RBSN: variants seen among roughly 807,000 people sequenced by gnomAD.
RBSN encodes the protein rabenosyn-5.
RBSN carries 34 observed loss-of-function variants against 60.5 expected under a neutral mutation model. The ratio of observed to expected loss-of-function variants is 0.56; its 90% confidence interval spans 0.43 to 0.75. The LOEUF is 0.75. RBSN is among the 30% of genes least tolerant of loss of function. The probability of loss-of-function intolerance (pLI) is 0.00; values close to 1 mark genes in which losing one functional copy is unlikely to be tolerated. For missense variants in RBSN, 845 were observed against 986.8 expected (o/e 0.86, Z 1.92); for synonymous variants, 322 against 366.9 (o/e 0.88, Z 1.40).
intron 2 of RBSN, among the ~76,000 whole-genome samples, chr3:15,097,126 G>A (rs1245620111): frequency 6.6e-6 from 1 of 152,048 alleles, no homozygotes; most frequent in Non-Finnish European, 1.5e-5. Flanking sequence ...CCCCCAAACT[G>A]CTGAGATTAC....
At chr3:15,080,872 C>T in intron 9 of RBSN, 70 bp from the exon 10 acceptor site, 2 of 1,209,902 alleles carry the variant, frequency 1.7e-6, no homozygotes, top group Admixed American at 1.9e-5. Context: ...AGCTAGGCTC[C>T]ATCAATGGAG....
Position 15,082,405 on chromosome 3 carries a change from CATCA to C in RBSN, c.798_801del (p.Ile266MetfsTer10). 1 of 1,614,030 alleles carries C rather than the reference CATCA, an allele frequency of 6.2e-7. No individual in the cohort carries two copies. Among genetic ancestry groups the C allele is most frequent in the Non-Finnish European group, 8.5e-7 (1 of 1,179,908 alleles). On this transcript the variant is annotated frameshift_variant, in exon 9 of 14. Coordinates refer to ENST00000253699, the MANE Select transcript of RBSN (RefSeq NM_022340.4). LOFTEE classifies it high-confidence loss of function. The surrounding 1 kb of genome is among the most constrained non-coding windows in gnomAD (Gnocchi z 4.2). Reference sequence around the variant, plus strand: ...ACGATGTCAGGTGTGTGCTCCTTCTCATCAATCTGCTGCTCTCTCTTGAGCAGCG... The same window carrying C: ...ACGATGTCAGGTGTGTGCTCCTTCTCATCTGCTGCTCTCTCTTGAGCAGCG...
In RBSN at chr3:15,093,837, G is replaced by A. The variant is rs780360590; in HGVS notation, c.148+2136C>T. On this transcript the variant is annotated intron_variant, in intron 4 of 13. Transcript: ENST00000253699. ...CTGCCTCAGCCTTCCAAGTGGCTAG[G>A]ACTACAAATGCATGTCATCATGCCC... Among the ~76,000 whole-genome samples, 77 of 152,108 alleles carry A rather than the reference G, an allele frequency of 5.1e-4. 1 individual carries two copies. The highest frequency in any genetic ancestry group is 1.0e-3 in the Non-Finnish European group (71 of 67,994).
At chr3:15,088,716 TAAC>T (rs1447411999) in intron 5 of RBSN, among the ~76,000 whole-genome samples, 1 of 152,166 alleles carries the variant, frequency 6.6e-6, no homozygotes, top group African/African-American at 2.4e-5. Flanking sequence ...TCTCCTGCAA[TAAC>T]AAAAATGTTT....
At position 15,096,258 on chromosome 3, in the gene RBSN, A is replaced by C. The variant is rs2043654682; in HGVS notation, c.-138T>G. On this transcript the variant is annotated 5_prime_UTR_variant, in exon 4 of 14. Coordinates refer to ENST00000253699, the MANE Select transcript of RBSN (RefSeq NM_022340.4). ...TGAGGAAGTGGCTTCATGGCCCTGG[A>C]TGAGGTTTCCTCTCTGGAGTAGGAG... 6 of 942,842 alleles carry C rather than the reference A, an allele frequency of 6.4e-6. No homozygotes were observed. In the South Asian group the frequency reaches 1.6e-4, roughly 24 times the overall value. 58.4% of individuals were successfully genotyped at this position (942,842 alleles called of 1,614,324 possible).
intron 5 of RBSN, 51 bp from the exon 6 acceptor site, chr3:15,086,012 A>C: frequency 1.4e-6 from 2 of 1,429,724 alleles, no homozygotes; most frequent in South Asian, 2.3e-5. Flanking sequence ...TCTCTGAGGG[A>C]GCCTAGTCTC....
In RBSN at chr3:15,073,761, A is replaced by C; in HGVS notation, c.*21T>G. On this transcript the variant is annotated 3_prime_UTR_variant, in exon 14 of 14. Coordinates refer to ENST00000253699, the MANE Select transcript of RBSN (RefSeq NM_022340.4). ...GCTCCTGCCAGACCCCTGGGCCCAA[A>C]GGTGCCCTCTCCACTGCTGGTCAGT... The C allele has an allele frequency of 2.5e-6, 4 of 1,579,012 alleles. No individual in the cohort carries two copies. In the South Asian group the frequency reaches 4.7e-5, roughly 19 times the overall value.
chr3:15,075,499 G>C lies in RBSN; in HGVS notation c.1206+107C>G, dbSNP rs187552267. 3.7e-4 allele frequency: 317 copies of C among 863,732 alleles called. 3 individuals carry two copies. In the East Asian group the frequency reaches 4.7e-3, roughly 13 times the overall value. The allele number at this position is 863,732 out of a possible 1,614,324, so 53.5% of individuals were successfully genotyped here. ...ACAGAAGAAATATGCACATTTGAGAGAGAGGTTCTGATTCACTACAACCGC... is the reference window on the plus strand; with the variant it reads ...ACAGAAGAAATATGCACATTTGAGACAGAGGTTCTGATTCACTACAACCGC... On this transcript the variant is annotated intron_variant, in intron 13 of 13. Coordinates refer to ENST00000253699, the MANE Select transcript of RBSN (RefSeq NM_022340.4).
rs766046798 is a variant in RBSN at position 15,078,105 on chromosome 3, T to G, written c.968A>C (p.Gln323Pro). The G allele has an allele frequency of 3.7e-6, 6 of 1,614,162 alleles. No homozygotes were observed. The highest frequency in any genetic ancestry group is 5.1e-6 in the Non-Finnish European group (6 of 1,180,004). The change falls in exon 11 of 14, where the codon CAG becomes CCG. Residue 323 changes from glutamine (Q) to proline (P), a missense_variant. Coordinates refer to ENST00000253699, the MANE Select transcript of RBSN (RefSeq NM_022340.4). ...AGCGTCTATCAGCTCATACACTTTC[T>G]GCACTTCCACTCGAAGGTCACTGGC... is the stretch of plus-strand genomic sequence containing the variant. ...EHASDLRVEV[Q>P]KVYELIDALS...
rs143819669 is a variant in RBSN at position 15,074,746 on chromosome 3, T to C, written c.1391A>G (p.His464Arg). 6.2e-7 allele frequency: 1 copy of C among 1,614,128 alleles called. No homozygotes were observed. Among genetic ancestry groups the C allele is most frequent in the African/African-American group, 1.3e-5 (1 of 74,950 alleles). ...CTGCCTGATGAATGATGTGATGTTGTGGATCTGCTGGAGGAGCGGGTCTGA... is the reference window on the plus strand; with the variant it reads ...CTGCCTGATGAATGATGTGATGTTGCGGATCTGCTGGAGGAGCGGGTCTGA... The part of the protein sequence containing the change: ...EDSDPLLQQI[H>R]NITSFIRQAK... Residue 464 changes from histidine (H) to arginine (R), a missense_variant, in exon 14 of 14, where the codon CAC (histidine) becomes CGC (arginine). His to Arg is a conservative substitution (Grantham distance 29). Transcript: ENST00000253699. This position sits in a 1 kb window ranked among gnomAD's most constrained non-coding sequence, Gnocchi z 6.4.
At chr3:15,088,868 T>C (rs981014200) in intron 5 of RBSN, among the ~76,000 whole-genome samples, 1 of 152,218 alleles carries the variant, frequency 6.6e-6, no homozygotes, top group Non-Finnish European at 1.5e-5. Flanking sequence ...GACTGGTGGC[T>C]ACTGAATGGA....
In RBSN at chr3:15,074,359, G is replaced by C; in HGVS notation, c.1778C>G (p.Ser593Ter). The change falls in exon 14 of 14, where the codon TCA becomes TGA. Residue 593 changes from serine to a stop codon, truncating the protein, a stop_gained. Coordinates refer to ENST00000253699, the MANE Select transcript of RBSN (RefSeq NM_022340.4). LOFTEE classifies it low-confidence loss of function (END_TRUNC). This position sits in a 1 kb window ranked among gnomAD's most constrained non-coding sequence, Gnocchi z 6.4. Reference sequence around the variant, plus strand: ...AGACCACACTCTGGTGGGTTGAGTTGAGCTAAGTGAAGGGGTCTTGGGAGC... The same window carrying C: ...AGACCACACTCTGGTGGGTTGAGTTCAGCTAAGTGAAGGGGTCTTGGGAGC... The part of the protein sequence containing the change: ...STAPKTPSLS[S>*]TQPTRVWSGP... The C allele has an allele frequency of 6.2e-7, 1 of 1,614,128 alleles. No homozygotes were observed. Among genetic ancestry groups the C allele is most frequent in the Non-Finnish European group, 8.5e-7 (1 of 1,180,016 alleles).
chr3:15,096,041 T>C lies in RBSN; in HGVS notation c.80A>G (p.Tyr27Cys), dbSNP rs769448344. Residue 27 changes from tyrosine (Y) to cysteine (C), a missense_variant, in exon 4 of 14, where the codon TAT becomes TGT. Coordinates refer to ENST00000253699, the MANE Select transcript of RBSN (RefSeq NM_022340.4). ...TTCCTCGTAATGTGAGTGAAGCTGA[T>C]AGAAAGACTGCAGATCCTTCAGGCA... The part of the protein sequence containing the change: ...PLCLKDLQSF[Y>C]QLHSHYEEEH... The C allele has an allele frequency of 9.3e-6, 15 of 1,614,020 alleles. No individual in the cohort carries two copies. The highest frequency in any genetic ancestry group is 5.5e-5 in the South Asian group (5 of 91,088).
Position 15,070,720 on chromosome 3 carries a change from C to T in RBSN, c.*3062G>A, listed in dbSNP as rs1452130391. On this transcript the variant is annotated 3_prime_UTR_variant, in exon 14 of 14. Transcript: ENST00000253699. ...TGATGTATTTACAGGAGAAGATAAT[C>T]GTGGAAGAATTAAATGGAAGAATTC... 4 of 152,510 alleles carry T rather than the reference C, an allele frequency of 2.6e-5. No homozygotes were observed. The highest frequency in any genetic ancestry group is 2.1e-4 in the South Asian group (1 of 4,824). 9.4% of individuals were successfully genotyped at this position (152,510 alleles called of 1,614,324 possible).
chr3:15,073,578 C>T lies in RBSN; in HGVS notation c.*204G>A. The T allele has an allele frequency of 1.9e-6, 1 of 518,276 alleles. No individual in the cohort carries two copies. The highest frequency in any genetic ancestry group is 3.4e-6 in the Non-Finnish European group (1 of 297,670). The allele number at this position is 518,276 out of a possible 1,614,324, so 32.1% of individuals were successfully genotyped here. On this transcript the variant is annotated 3_prime_UTR_variant, in exon 14 of 14. Coordinates refer to ENST00000253699, the MANE Select transcript of RBSN (RefSeq NM_022340.4). The stretch of plus-strand genomic sequence containing the variant: ...AAAGCAGCAACTGAATGCTGATTCT[C>T]CCTGTTCTAGTTTCTATTTTATTAT...
chr3:15,083,310 T>C (rs2043254121), intron 8 of RBSN, among the ~76,000 whole-genome samples: 1 of 152,196 alleles, frequency 6.6e-6, no homozygotes, highest in Non-Finnish European at 1.5e-5. Context: ...ACCTGGTATA[T>C]GTGAGAGTTG....
Position 15,077,103 on chromosome 3 carries a change from G to A in RBSN, c.1060C>T (p.Leu354=), listed in dbSNP as rs150393317. Residue 354 remains leucine, a synonymous_variant, in exon 12 of 14, where the codon CTG becomes TTG. Coordinates refer to ENST00000253699, the MANE Select transcript of RBSN (RefSeq NM_022340.4). The surrounding 1 kb of genome is among the most constrained non-coding windows in gnomAD (Gnocchi z 4.4). The stretch of plus-strand genomic sequence containing the variant: ...GCTGAGTATCTGATCATTCTCTGCA[G>A]CCGCAAATTGCTTGGATGTGGTGGA... ...DPPPHPSNLR[L]QRMIRYSATL... 4.9e-5 allele frequency: 79 copies of A among 1,614,024 alleles called. No homozygotes were observed. The African/African-American group carries it at 9.3e-4, about 19-fold the overall frequency.
At chr3:15,080,861 A>C in intron 9 of RBSN, 59 bp from the exon 10 acceptor site, 1 of 1,353,912 alleles carries the variant, frequency 7.4e-7, no homozygotes, top group Non-Finnish European at 1.1e-6. Flanking sequence ...ACCTACCCAG[A>C]AGCTAGGCTC....
chr3:15,073,507 A>G lies in RBSN; in HGVS notation c.*275T>C. 1 of 410,722 alleles carries G rather than the reference A, an allele frequency of 2.4e-6. No individual in the cohort carries two copies. The highest frequency in any genetic ancestry group is 4.2e-5 in the South Asian group (1 of 23,538). 25.4% of individuals were successfully genotyped at this position (410,722 alleles called of 1,614,324 possible). On this transcript the variant is annotated 3_prime_UTR_variant, in exon 14 of 14. Transcript: ENST00000253699. ...GTAGTAAAAATGTAAAGTCCCTTCA[A>G]AAGGGGTAAACCTCCGATTACAAAA...
Sources: gnomAD v4.1 joint callset for allele counts (sites outside exome capture counted in the v4.1 genomes callset) on GRCh38, gnomAD v4.1.1 for gene constraint, Gnocchi (gnomAD v3.1) non-coding constraint, MANE v1.5 for transcripts, NCBI Gene and HGNC (gene_info 2026-07-23, HGNC 2026-07-21) for gene names.